Variants in OLFM3 observed in about 807,000 individuals in gnomAD.
The protein encoded by OLFM3 is noelin-3.
A neutral mutation model predicts 48.6 loss-of-function variants in OLFM3; 20 were observed. The ratio of observed to expected loss-of-function variants is 0.41; its 90% CI spans 0.29 to 0.60. The LOEUF is 0.60. Among genes scored for constraint, OLFM3 ranks in the 20% least tolerant of loss-of-function variants. The probability of loss-of-function intolerance (pLI) is 0.28; values close to 1 mark genes in which losing one functional copy is unlikely to be tolerated. For missense variants in OLFM3, 437 were observed against 544.3 expected, an observed-to-expected ratio of 0.80 and a Z score of 1.96; for synonymous variants, 222 against 198.1, an observed-to-expected ratio of 1.12 and a Z score of -1.01.
intron 1 of OLFM3, among the ~76,000 whole-genome samples, chr1:101,991,795 G>T (rs1355547962): frequency 6.6e-6 from 1 of 150,858 alleles, no homozygotes; most frequent in Non-Finnish European, 1.5e-5. Flanking sequence ...TATGGATTGT[G>T]TATATGAATA....
rs1658497313 is a variant in OLFM3 at position 101,904,701 on chromosome 1, T to C, written c.70-67676A>G. Among the ~76,000 whole-genome samples, 5 of 152,208 alleles carry C rather than the reference T, an allele frequency of 3.3e-5. No homozygotes were observed. The South Asian group carries it at 1.0e-3, about 32-fold the overall frequency. Reference sequence around the variant, plus strand: ...TGACTGTTTTCCAAAGAGATTTTCTTCCTGGAAGGTGAAAACTGATGGCAA... The same window carrying C: ...TGACTGTTTTCCAAAGAGATTTTCTCCCTGGAAGGTGAAAACTGATGGCAA... On this transcript the variant is annotated intron_variant, in intron 1 of 5. Transcript: ENST00000370103.
chr1:101,845,537 T>C (rs1222555708), intron 1 of OLFM3, among the ~76,000 whole-genome samples: 5 of 152,216 alleles, frequency 3.3e-5, no homozygotes. Context: ...TGTTGAAATC[T>C]GGTACTTGGA....
chr1:101,937,702 T>C (rs1659666533), intron 1 of OLFM3, among the ~76,000 whole-genome samples: 1 of 152,208 alleles, frequency 6.6e-6, no homozygotes, highest in Admixed American at 6.5e-5. Flanking sequence ...TCAGGTATGC[T>C]TTTAAAAGCA....
intron 1 of OLFM3, among the ~76,000 whole-genome samples, chr1:101,860,635 A>T (rs1656614296): frequency 6.6e-6 from 1 of 152,046 alleles, no homozygotes; most frequent in Non-Finnish European, 1.5e-5. Context: ...TGGTCAGACC[A>T]GTTCTCTCAT....
chr1:101,968,739 G>GA (rs1402957817), intron 1 of OLFM3, among the ~76,000 whole-genome samples: 2 of 152,192 alleles, frequency 1.3e-5, no homozygotes, highest in Non-Finnish European at 2.9e-5. Flanking sequence ...TTCAGTCTGA[G>GA]AGGAAGAATG....
At chr1:101,945,967 G>T (rs1457200723) in intron 1 of OLFM3, among the ~76,000 whole-genome samples, 1 of 152,174 alleles carries the variant, frequency 6.6e-6, no homozygotes, top group Non-Finnish European at 1.5e-5. Flanking sequence ...CATGGCAAGA[G>T]TCTGAATGTT....
intron 1 of OLFM3, among the ~76,000 whole-genome samples, chr1:101,936,797 A>G (rs746036081): frequency 6.6e-6 from 1 of 152,164 alleles, no homozygotes; most frequent in Non-Finnish European, 1.5e-5. Flanking sequence ...CCCCAGAAAT[A>G]AAGCTGCGCA....
intron 1 of OLFM3, among the ~76,000 whole-genome samples, chr1:101,898,950 T>C (rs1658298635): frequency 6.6e-6 from 1 of 152,240 alleles, no homozygotes; most frequent in African/African-American, 2.4e-5. Context: ...TCATTCATTA[T>C]GCAGGTGGCA....
intron 1 of OLFM3, among the ~76,000 whole-genome samples, chr1:101,942,901 C>T (rs917579491): frequency 1.4e-4 from 21 of 152,140 alleles, no homozygotes; most frequent in South Asian, 4.1e-4. Context: ...TGGTTACTAA[C>T]GGTGACTCCT....
chr1:101,910,809 C>T (rs574285291), intron 1 of OLFM3, among the ~76,000 whole-genome samples: 41 of 152,272 alleles, frequency 2.7e-4, no homozygotes, highest in African/African-American at 9.6e-4. Context: ...GGGAGTGAAG[C>T]TATGCCTAAA....
At chr1:101,903,825 T>C (rs1460440555) in intron 1 of OLFM3, among the ~76,000 whole-genome samples, 2 of 152,044 alleles carry the variant, frequency 1.3e-5, no homozygotes, top group Non-Finnish European at 2.9e-5. Context: ...GAAACAAAGA[T>C]TTTTTTACCA....
Position 101,956,910 on chromosome 1 carries a change from T to C in OLFM3, c.69+39838A>G, listed in dbSNP as rs990879692. ...ACATGATATAATAACTAATGCTTTA[T>C]TACTCCTCTATCTTCCTAATCAGAT... On this transcript the variant is annotated intron_variant, in intron 1 of 5. Transcript: ENST00000370103. 6.6e-5 allele frequency among the ~76,000 whole-genome samples: 10 copies of C among 151,990 alleles called. No homozygotes were observed. The South Asian group carries it at 1.5e-3, about 22-fold the overall frequency.
At chr1:101,944,877 C>T (rs1174489711) in intron 1 of OLFM3, among the ~76,000 whole-genome samples, 1 of 69,714 alleles carries the variant, frequency 1.4e-5, no homozygotes, top group African/African-American at 4.9e-5. Flanking sequence ...GAGACTCCAC[C>T]TCAAAAAAAA....
intron 1 of OLFM3, among the ~76,000 whole-genome samples, chr1:101,940,133 G>A (rs1394454493): frequency 6.6e-6 from 1 of 152,144 alleles, no homozygotes; most frequent in Non-Finnish European, 1.5e-5. Flanking sequence ...GCAAGTGCAT[G>A]CATTCTCCCT....
intron 1 of OLFM3, among the ~76,000 whole-genome samples, chr1:101,868,413 T>C (rs1204260841): frequency 5.3e-5 from 8 of 152,192 alleles, no homozygotes; most frequent in African/African-American, 1.9e-4. Flanking sequence ...GTAGTAAAAG[T>C]CACTCTTGCT....
intron 1 of OLFM3, among the ~76,000 whole-genome samples, chr1:101,879,511 T>C (rs770352354): frequency 6.6e-6 from 1 of 151,904 alleles, no homozygotes; most frequent in East Asian, 1.9e-4. Context: ...ATTTTATATG[T>C]CTTACTGTTA....
intron 5 of OLFM3, 66 bp downstream of exon 5, chr1:101,806,010 G>A (rs1413410852): frequency 8.3e-7 from 1 of 1,208,482 alleles, no homozygotes; most frequent in Non-Finnish European, 1.2e-6. Context: ...AAAATGAATA[G>A]TCCAGAAGAG....
intron 1 of OLFM3, among the ~76,000 whole-genome samples, chr1:101,862,812 T>C (rs531765497): frequency 6.6e-6 from 1 of 152,266 alleles, no homozygotes; most frequent in Admixed American, 6.5e-5. Context: ...TGAGGAAGCA[T>C]TTCAATACAT....
At chr1:101,953,732 A>G (rs1660210641) in intron 1 of OLFM3, among the ~76,000 whole-genome samples, 1 of 152,132 alleles carries the variant, frequency 6.6e-6, no homozygotes, top group African/African-American at 2.4e-5. Flanking sequence ...AATAAACCTA[A>G]TATTTTTACC....
Sources: gnomAD v4.1 joint callset for allele counts (sites outside exome capture counted in the v4.1 genomes callset) on GRCh38, gnomAD v4.1.1 for gene constraint, MANE v1.5 for transcripts, NCBI Gene and HGNC (gene_info 2026-07-23, HGNC 2026-07-21) for gene names.